RMDN2: variants seen among roughly 807,000 people sequenced by gnomAD.
The protein encoded by RMDN2 is regulator of microtubule dynamics protein 2.
Under a neutral mutation model 52.8 loss-of-function variants are expected in RMDN2, and 61 were observed. That is an observed-to-expected ratio of 1.16 (90% confidence interval 0.94 to 1.43). RMDN2 has a LOEUF of 1.43. Among genes scored for constraint, RMDN2 ranks in the 40% most tolerant of loss-of-function variants. RMDN2 has a pLI of 0.00. For missense variants in RMDN2, 592 were observed against 475.3 expected, an observed-to-expected ratio of 1.25 and a Z score of -2.28; for synonymous variants, 180 against 153.1, an observed-to-expected ratio of 1.18 and a Z score of -1.30.
chr2:37,969,416 C>G lies in RMDN2; in HGVS notation c.453-4624C>G, dbSNP rs144916503. ...TTATTTTGTAATTTTCCCCAGAAAA[C>G]TCATTTTAAAACTTTTGTGAAATTT... On this transcript the variant is annotated intron_variant, in intron 2 of 10. Coordinates refer to ENST00000354545, the MANE Select transcript of RMDN2 (RefSeq NM_001170791.3). 2.0e-3 allele frequency among the ~76,000 whole-genome samples: 300 copies of G among 151,728 alleles called. 9 individuals are homozygous for G. The East Asian group carries it at 0.05, about 25-fold the overall frequency.
downstream of RMDN2, among the ~76,000 whole-genome samples, chr2:38,019,608 A>C (rs115333400): frequency 4.5e-3 from 681 of 152,000 alleles, 5 homozygotes; most frequent in African/African-American, 0.016. Flanking sequence ...AGGAGCATTA[A>C]CTCCCTGCTG....
At chr2:38,055,592 T>G (rs163076) in intron 10 of RMDN2, among the ~76,000 whole-genome samples, 5 of 151,928 alleles carry the variant, frequency 3.3e-5, no homozygotes, top group Admixed American at 6.5e-5. Flanking sequence ...CATACAGTCA[T>G]TTTTGAAGTA....
intron 10 of RMDN2, among the ~76,000 whole-genome samples, chr2:38,055,613 C>A (rs1194262589): frequency 6.6e-6 from 1 of 152,096 alleles, no homozygotes; most frequent in Admixed American, 6.6e-5. Flanking sequence ...TCAGCTTGGT[C>A]CTCAGGTTAG....
intron 10 of RMDN2, among the ~76,000 whole-genome samples, chr2:38,025,892 C>T (rs377238380): frequency 8.6e-5 from 13 of 152,038 alleles, no homozygotes; most frequent in Admixed American, 3.9e-4. Context: ...ATATTTACAA[C>T]GGATATTGGT....
At chr2:38,055,205 T>C (rs10173409) in intron 10 of RMDN2, among the ~76,000 whole-genome samples, 3,943 of 151,992 alleles carry the variant, frequency 0.026, 108 homozygotes, top group Non-Finnish European at 0.034. Flanking sequence ...GTTTCACTCC[T>C]TCCCTCTAAG....
chr2:38,060,445 A>C (rs1342253632), intron 10 of RMDN2, among the ~76,000 whole-genome samples: 3 of 152,230 alleles, frequency 2.0e-5, no homozygotes, highest in South Asian at 4.1e-4. Context: ...TTTTTTCCTC[A>C]ATATCAGTGC....
intron 4 of RMDN2, among the ~76,000 whole-genome samples, chr2:37,980,098 A>G (rs2125095497): frequency 6.6e-6 from 1 of 152,298 alleles, no homozygotes; most frequent in African/African-American, 2.4e-5. Flanking sequence ...TTATTTATAA[A>G]GATTATCTCA....
intron 2 of RMDN2, among the ~76,000 whole-genome samples, chr2:37,961,822 G>A (rs150971103): frequency 5.6e-4 from 85 of 152,264 alleles, no homozygotes; most frequent in African/African-American, 1.8e-3. Flanking sequence ...CCTCATCTTC[G>A]TAGATTTATC....
intron 2 of RMDN2, chr2:37,950,746 TGC>T: frequency 1.3e-6 from 1 of 779,254 alleles, no homozygotes; most frequent in Non-Finnish European, 2.2e-6. Flanking sequence ...AGAGAGATTG[TGC>T]TTCATCCATG....
chr2:37,994,292 C>A (rs183714769), intron 7 of RMDN2, among the ~76,000 whole-genome samples: 455 of 152,278 alleles, frequency 3.0e-3, no homozygotes, highest in Non-Finnish European at 5.0e-3. Flanking sequence ...GATAGATGAG[C>A]AGCATGAGCA....
chr2:38,010,465 G>T (rs1311234058), intron 10 of RMDN2, among the ~76,000 whole-genome samples: 1 of 152,192 alleles, frequency 6.6e-6, no homozygotes, highest in Non-Finnish European at 1.5e-5. Context: ...TCAGACTGCT[G>T]TGCTAGCAAT....
exon 11 of RMDN2, chr2:38,067,054 G>GT: frequency 6.5e-7 from 1 of 1,544,368 alleles, no homozygotes; most frequent in South Asian, 1.1e-5. Context: ...CACAGTGAAG[G>GT]CCTGGAGAGT....
chr2:38,021,618 G>A (rs1026630033), downstream of RMDN2, among the ~76,000 whole-genome samples: 2 of 152,112 alleles, frequency 1.3e-5, no homozygotes, highest in African/African-American at 4.8e-5. Context: ...CACTCACCGC[G>A]AGGGTCCACG....
At chr2:37,979,360 G>C (rs997509189) in intron 4 of RMDN2, among the ~76,000 whole-genome samples, 4 of 152,202 alleles carry the variant, frequency 2.6e-5, no homozygotes, top group African/African-American at 9.7e-5. Flanking sequence ...TAAGTGCTTA[G>C]TAATGGTAAT....
intron 10 of RMDN2, among the ~76,000 whole-genome samples, chr2:38,046,138 A>G (rs1681259048): frequency 6.6e-6 from 1 of 152,250 alleles, no homozygotes; most frequent in Non-Finnish European, 1.5e-5. Flanking sequence ...CTGAATATGA[A>G]GTTTTCCACA....
chr2:37,948,892 G>C (rs914816984), intron 2 of RMDN2, among the ~76,000 whole-genome samples: 13 of 152,138 alleles, frequency 8.5e-5, no homozygotes, highest in African/African-American at 2.7e-4. Flanking sequence ...TTGAGATTTA[G>C]TTACAAATAA....
Position 38,017,527 on chromosome 2 carries a change from T to G in RMDN2, c.*288T>G. The G allele has an allele frequency of 8.9e-7, 1 of 1,122,964 alleles. No homozygotes were observed. Among genetic ancestry groups the G allele is most frequent in the Non-Finnish European group, 1.2e-6 (1 of 849,106 alleles). The allele number at this position is 1,122,964 out of a possible 1,614,324, so 69.6% of individuals were successfully genotyped here. The stretch of plus-strand genomic sequence containing the variant: ...TAAGAATATTTCTTTAAATAAAATA[T>G]TTAAATCCAATAAAATGAATTCTCA... On this transcript the variant is annotated 3_prime_UTR_variant, in exon 11 of 11. Coordinates refer to ENST00000354545, the MANE Select transcript of RMDN2 (RefSeq NM_001170791.3).
chr2:37,938,714 T>A (rs1667526505), intron 2 of RMDN2, among the ~76,000 whole-genome samples: 1 of 152,224 alleles, frequency 6.6e-6, no homozygotes, highest in Non-Finnish European at 1.5e-5. Flanking sequence ...GATGGTAGTT[T>A]GTATTTTTGT....
upstream of RMDN2, among the ~76,000 whole-genome samples, chr2:37,922,539 G>C (rs147729464): frequency 3.6e-4 from 55 of 152,164 alleles, no homozygotes; most frequent in African/African-American, 1.3e-3. Context: ...TAATATAGAG[G>C]GTGTGCACCA....
Sources: gnomAD v4.1 joint callset for allele counts (sites outside exome capture counted in the v4.1 genomes callset) on GRCh38, gnomAD v4.1.1 for gene constraint, MANE v1.5 for transcripts, NCBI Gene and HGNC (gene_info 2026-07-23, HGNC 2026-07-21) for gene names.